Variants in CREB1 observed in about 807,000 individuals in gnomAD.
CREB1 encodes cyclic AMP-responsive element-binding protein 1.
In CREB1, 2 loss-of-function variants were observed where a neutral mutation model predicts 42.0. The ratio of observed to expected loss-of-function variants is 0.05; its 90% CI spans 0.02 to 0.15. The LOEUF is 0.15. Among genes scored for constraint, CREB1 ranks in the 10% least tolerant of loss-of-function variants. The pLI is 1.00. For missense variants in CREB1, 199 were observed against 388.9 expected (o/e 0.51, Z 4.11); for synonymous variants, 123 against 139.9 (o/e 0.88, Z 0.85).
At chr2:207,563,742 G>A (rs1461625797) in intron 3 of CREB1, among the ~76,000 whole-genome samples, 1 of 152,164 alleles carries the variant, frequency 6.6e-6, no homozygotes, top group African/African-American at 2.4e-5. Flanking sequence ...TCAGGAGTTC[G>A]AGATCAGCCT....
rs2081912064 is a variant in CREB1 at position 207,560,441 on chromosome 2, C to T, written c.261+69C>T. 11 of 1,469,838 alleles carry T rather than the reference C, an allele frequency of 7.5e-6. No homozygotes were observed. The South Asian group carries it at 1.1e-4, about 15-fold the overall frequency. The allele number at this position is 1,469,838 out of a possible 1,614,324, so 91.0% of individuals were successfully genotyped here. The stretch of plus-strand genomic sequence containing the variant: ...TTATAGCCATATCTCTCTCCTTTCA[C>T]TAGTTATGAAAATAAGGACACATCT... On this transcript the variant is annotated intron_variant, in intron 3 of 7. Coordinates refer to ENST00000353267, the MANE Select transcript of CREB1 (RefSeq NM_004379.5).
At chr2:207,559,565 T>C (rs2081875819) in intron 2 of CREB1, among the ~76,000 whole-genome samples, 1 of 152,192 alleles carries the variant, frequency 6.6e-6, no homozygotes, top group East Asian at 1.9e-4. Flanking sequence ...ATTCCTATCC[T>C]TGAATGTGTT....
At chr2:207,578,842 G>A (rs1276710178) in intron 7 of CREB1, among the ~76,000 whole-genome samples, 1 of 151,878 alleles carries the variant, frequency 6.6e-6, no homozygotes, top group African/African-American at 2.4e-5. Context: ...CCAGGCAGGA[G>A]TGCAATGGTG....
At chr2:207,578,618 G>T (rs778405156) in intron 7 of CREB1, among the ~76,000 whole-genome samples, 11 of 152,176 alleles carry the variant, frequency 7.2e-5, no homozygotes, top group Non-Finnish European at 1.3e-4. Flanking sequence ...TGTAACTGTA[G>T]TGCTCTGTTG....
intron 2 of CREB1, among the ~76,000 whole-genome samples, chr2:207,558,355 G>A (rs147882443): frequency 1.9e-4 from 29 of 152,198 alleles, no homozygotes; most frequent in African/African-American, 6.5e-4. Context: ...CTTACTTCTT[G>A]CATTCTCTTT....
chr2:207,577,077 G>A, intron 6 of CREB1: 1 of 964,656 alleles, frequency 1.0e-6, no homozygotes, highest in Non-Finnish European at 1.2e-6. Context: ...GCTATTTTAT[G>A]AAAAATCATG....
chr2:207,531,586 G>T (rs1574734685), intron 1 of CREB1, among the ~76,000 whole-genome samples: 1 of 152,180 alleles, frequency 6.6e-6, no homozygotes, highest in South Asian at 2.1e-4. Flanking sequence ...ACTTCTGAAG[G>T]TTTAGTAGAA....
At chr2:207,538,006 A>G (rs1463706123) in intron 1 of CREB1, among the ~76,000 whole-genome samples, 2 of 152,254 alleles carry the variant, frequency 1.3e-5, no homozygotes, top group Non-Finnish European at 2.9e-5. Flanking sequence ...TACACATTAT[A>G]CACATAGCCT....
chr2:207,560,382 TA>T lies in CREB1; in HGVS notation c.261+15del. 4.4e-6 allele frequency: 7 copies of T among 1,603,582 alleles called. No individual in the cohort carries two copies. Among genetic ancestry groups the T allele is most frequent in the Non-Finnish European group, 6.0e-6 (7 of 1,175,750 alleles). ...AGTCCAAACAGTTCAGGTATGTGTATAAAAAGTTCTGCATCTATTTTAATAA... is the reference window on the plus strand; with the variant it reads ...AGTCCAAACAGTTCAGGTATGTGTATAAAAGTTCTGCATCTATTTTAATAA... On this transcript the variant is annotated intron_variant, in intron 3 of 7. Coordinates refer to ENST00000353267, the MANE Select transcript of CREB1 (RefSeq NM_004379.5).
chr2:207,552,901 C>T (rs1403988993), intron 1 of CREB1, among the ~76,000 whole-genome samples: 1 of 152,044 alleles, frequency 6.6e-6, no homozygotes, highest in African/African-American at 2.4e-5. Context: ...CAGGCATGAG[C>T]CACCGCGCCC....
chr2:207,545,873 AC>A (rs2081285680), intron 1 of CREB1, among the ~76,000 whole-genome samples: 1 of 151,762 alleles, frequency 6.6e-6, no homozygotes, highest in Non-Finnish European at 1.5e-5. Flanking sequence ...AGCTGGGATT[AC>A]AGGCGTGCGC....
intron 7 of CREB1, among the ~76,000 whole-genome samples, chr2:207,594,094 A>G (rs1352616230): frequency 6.6e-6 from 1 of 152,212 alleles, no homozygotes; most frequent in Non-Finnish European, 1.5e-5. Flanking sequence ...AGGTTAAGTA[A>G]TAAGATTGTG....
intron 3 of CREB1, among the ~76,000 whole-genome samples, chr2:207,565,659 C>T (rs2551919): frequency 0.16 from 23,958 of 151,944 alleles, 2,070 homozygotes; most frequent in Middle Eastern, 0.2. Flanking sequence ...GGGGTGTTCC[C>T]TAATCACTAT....
intron 6 of CREB1, among the ~76,000 whole-genome samples, chr2:207,575,943 C>T (rs964266559): frequency 3.3e-5 from 2 of 60,504 alleles, no homozygotes; most frequent in African/African-American, 8.1e-5. Flanking sequence ...TTCCCCCCCC[C>T]CCCCCAAAAG....
intron 5 of CREB1, among the ~76,000 whole-genome samples, chr2:207,573,036 T>G (rs1254473498): frequency 6.6e-6 from 1 of 152,230 alleles, no homozygotes; most frequent in Non-Finnish European, 1.5e-5. Context: ...CATTTTGAAC[T>G]TGAATTTTTT....
chr2:207,568,041 G>A (rs2082208846), intron 4 of CREB1: 1 of 152,086 alleles, frequency 6.6e-6, no homozygotes, highest in Non-Finnish European at 1.5e-5. Context: ...TATAGATGTT[G>A]CCTAGTCCAT....
chr2:207,559,484 T>A (rs561628719), intron 2 of CREB1, among the ~76,000 whole-genome samples: 1 of 152,220 alleles, frequency 6.6e-6, no homozygotes, highest in African/African-American at 2.4e-5. Flanking sequence ...TTCTCACTTT[T>A]GTAGTTTCAG....
rs964266559 is a variant in CREB1 at position 207,575,943 on chromosome 2, C to G, written c.688+489C>G. On this transcript the variant is annotated intron_variant, in intron 6 of 7. Transcript: ENST00000353267. ...ATTCTGTTTCTCTGCTTCCCCCCCC[C>G]CCCCCAAAAGAAATTTAAATCTTCT... Among the ~76,000 whole-genome samples, 4 of 60,504 alleles carry G rather than the reference C, an allele frequency of 6.6e-5. 1 individual carries two copies. Among genetic ancestry groups the G allele is most frequent in the African/African-American group, 1.2e-4 (3 of 24,574 alleles). 39.7% of individuals were successfully genotyped at this position (60,504 alleles called of 152,430 possible).
intron 6 of CREB1, among the ~76,000 whole-genome samples, chr2:207,576,241 C>CTTTTTTTTTTTTTTTTTATTTTTTT (rs2082588982): frequency 9.9e-6 from 1 of 101,068 alleles, no homozygotes; most frequent in Non-Finnish European, 1.9e-5. Flanking sequence ...CTTTTTTTGG[C>CTTTTTTTTTTTTTTTTTATTTTTTT]TTTTTTTTTT....
Sources: gnomAD v4.1 joint callset for allele counts (sites outside exome capture counted in the v4.1 genomes callset) on GRCh38, gnomAD v4.1.1 for gene constraint, MANE v1.5 for transcripts, NCBI Gene and HGNC (gene_info 2026-07-23, HGNC 2026-07-21) for gene names.